The following TRIP4 variants were observed in gnomAD, a reference collection of about 807,000 sequenced individuals.
TRIP4 encodes thyroid hormone receptor interactor 4.
A neutral mutation model predicts 81.8 loss-of-function variants in TRIP4; 54 were observed. That is an observed-to-expected ratio of 0.66 (90% CI 0.53 to 0.83). The LOEUF is 0.83. Ranked by LOEUF, TRIP4 falls within the 40% of genes least tolerant of loss-of-function variation. The probability of loss-of-function intolerance (pLI) is 0.00; values close to 1 mark genes in which losing one functional copy is unlikely to be tolerated. For synonymous variants in TRIP4, 270 were observed against 242.8 expected (o/e 1.11, Z -1.04); for missense variants, 662 against 683.6 (o/e 0.97, Z 0.35).
rs764008426 is a variant in TRIP4, at chr15:64,430,147, G to C, written c.1575+4516G>C. ...GCTTTAAAAATATGTGCTTTCTCCT[G>C]AGCCATGAACTAGTCTTCCTTTTTA... is the stretch of plus-strand genomic sequence containing the variant. On this transcript the variant is annotated intron_variant, in intron 11 of 12. Coordinates refer to ENST00000261884, the MANE Select transcript of TRIP4 (RefSeq NM_016213.5). 2.6e-5 allele frequency among the ~76,000 whole-genome samples: 4 copies of C among 152,318 alleles called. No homozygotes were observed. In the East Asian group the frequency reaches 7.7e-4, roughly 29 times the overall value.
At chr15:64,409,272 G>T (rs1267915748) in intron 6 of TRIP4, among the ~76,000 whole-genome samples, 1 of 152,052 alleles carries the variant, frequency 6.6e-6, no homozygotes, top group Non-Finnish European at 1.5e-5. Context: ...AGCCTAGCAA[G>T]AATAGGCTGG....
intron 12 of TRIP4, among the ~76,000 whole-genome samples, chr15:64,446,333 C>T (rs1008616783): frequency 1.3e-5 from 2 of 151,978 alleles, no homozygotes; most frequent in Non-Finnish European, 1.5e-5. Context: ...AGAGACACCA[C>T]TTCCCACATT....
chr15:64,394,317 A>G (rs958843497), intron 2 of TRIP4, among the ~76,000 whole-genome samples: 1 of 152,148 alleles, frequency 6.6e-6, no homozygotes, highest in Non-Finnish European at 1.5e-5. Context: ...AGAAAATATC[A>G]CAAAAAGGCC....
chr15:64,455,167 G>A lies in TRIP4; in HGVS notation c.*103G>A, dbSNP rs138527083. The A allele has an allele frequency of 6.7e-5, 68 of 1,014,174 alleles. No homozygotes were observed. Among genetic ancestry groups the A allele is most frequent in the Admixed American group, 2.8e-4 (11 of 39,412 alleles). 62.8% of individuals were successfully genotyped at this position (1,014,174 alleles called of 1,614,324 possible). ...AGTAGTAGAAACCTAAAGGCTTGGC[G>A]TCAGGCTTGAATATCTCAGAACTTA... On this transcript the variant is annotated 3_prime_UTR_variant, in exon 13 of 13. Transcript: ENST00000261884.
intron 1 of TRIP4, 51 bp from the exon 2 acceptor site, chr15:64,393,895 A>T: frequency 6.7e-7 from 1 of 1,491,370 alleles, no homozygotes; most frequent in Non-Finnish European, 9.0e-7. Context: ...GATTACTGAG[A>T]AACAGTGTAA....
At chr15:64,424,951 AT>A (rs1383791466) in intron 10 of TRIP4, among the ~76,000 whole-genome samples, 1 of 151,932 alleles carries the variant, frequency 6.6e-6, no homozygotes, top group Admixed American at 6.6e-5. Flanking sequence ...AATTTTTTGT[AT>A]TTTTAGTAGA....
rs1238808872 is a variant in TRIP4, at chr15:64,409,697, A to G, written c.912A>G (p.Glu304=). ...AATGGTTGTCCAAACTTGAGCGGGA[A>G]ACCTTGCAGAAGCGAGAGGAGGAGC... ...SNQWLSKLER[E]TLQKREEELR... Residue 304 remains glutamate (E), a synonymous_variant, in exon 7 of 13, where the codon GAA becomes GAG. Transcript: ENST00000261884. The G allele has an allele frequency of 6.2e-7, 1 of 1,614,170 alleles. No homozygotes were observed. The highest frequency in any genetic ancestry group is 8.5e-7 in the Non-Finnish European group (1 of 1,180,030).
chr15:64,445,160 TG>T (rs1464816257), intron 12 of TRIP4, 52 bp downstream of exon 12: 1 of 997,814 alleles, frequency 1.0e-6, no homozygotes, highest in East Asian at 2.4e-5. Flanking sequence ...TAGTAAGGAA[TG>T]GGGAAAAAAG....
intron 10 of TRIP4, among the ~76,000 whole-genome samples, chr15:64,424,695 C>A (rs1305800587): frequency 1.3e-5 from 2 of 152,226 alleles, no homozygotes; most frequent in Admixed American, 1.3e-4. Context: ...GACAACTACA[C>A]AACCATCTTT....
intron 11 of TRIP4, among the ~76,000 whole-genome samples, chr15:64,431,975 C>T (rs1292287812): frequency 7.0e-6 from 1 of 143,032 alleles, no homozygotes; most frequent in African/African-American, 2.6e-5. Context: ...CAACCTCTGC[C>T]TCCTAGGTTC....
intron 12 of TRIP4, among the ~76,000 whole-genome samples, chr15:64,447,086 A>C (rs776478461): frequency 8.5e-5 from 13 of 152,194 alleles, no homozygotes; most frequent in Non-Finnish European, 1.8e-4. Flanking sequence ...CCTGGGCAAC[A>C]GAGCGAGACT....
intron 12 of TRIP4, among the ~76,000 whole-genome samples, chr15:64,452,591 T>C (rs72741332): frequency 0.048 from 7,357 of 152,326 alleles, 236 homozygotes; most frequent in South Asian, 0.086. Flanking sequence ...TATAATCTTC[T>C]TAATAATTCT....
chr15:64,411,116 A>G (rs959125725), intron 7 of TRIP4, among the ~76,000 whole-genome samples: 1 of 152,192 alleles, frequency 6.6e-6, no homozygotes, highest in Non-Finnish European at 1.5e-5. Flanking sequence ...TACATACTGT[A>G]TGATTTTAAC....
chr15:64,415,276 A>G (rs1891869094), intron 8 of TRIP4, among the ~76,000 whole-genome samples: 1 of 152,174 alleles, frequency 6.6e-6, no homozygotes. Flanking sequence ...TACAACACAT[A>G]CAAAGGCTCA....
At chr15:64,395,278 C>A (rs760568915) in intron 2 of TRIP4, 120 bp from the exon 3 acceptor site, 2 of 785,792 alleles carry the variant, frequency 2.5e-6, no homozygotes, top group Non-Finnish European at 1.8e-6. Flanking sequence ...TAAAAATCTT[C>A]CTGATGATAT....
intron 4 of TRIP4, among the ~76,000 whole-genome samples, chr15:64,398,606 C>G (rs569352788): frequency 6.6e-5 from 10 of 152,054 alleles, no homozygotes; most frequent in African/African-American, 2.4e-4. Flanking sequence ...CAGGTTATAT[C>G]CTAGTACTGA....
At position 64,455,109 on chromosome 15, in the gene TRIP4, T is replaced by A; in HGVS notation, c.*45T>A. 1 of 1,568,516 alleles carries A rather than the reference T, an allele frequency of 6.4e-7. No individual in the cohort carries two copies. The highest frequency in any genetic ancestry group is 8.7e-7 in the Non-Finnish European group (1 of 1,143,126). ...TACAGCATAGTGGAGTTTTGTGTAC[T>A]AAAATTGCTATCTACTGGTCCTTTG... is the stretch of plus-strand genomic sequence containing the variant. On this transcript the variant is annotated 3_prime_UTR_variant, in exon 13 of 13. Transcript: ENST00000261884.
At chr15:64,432,809 G>C (rs191680105) in intron 11 of TRIP4, among the ~76,000 whole-genome samples, 3 of 147,148 alleles carry the variant, frequency 2.0e-5, no homozygotes, top group African/African-American at 7.5e-5. Flanking sequence ...TACTCGGGAG[G>C]CTGAGGCAGG....
intron 11 of TRIP4, among the ~76,000 whole-genome samples, chr15:64,438,064 A>G (rs1892441146): frequency 6.6e-6 from 1 of 152,216 alleles, no homozygotes; most frequent in African/African-American, 2.4e-5. Context: ...TCTAAAAGAT[A>G]TGTTATTTGA....
Sources: allele counts gnomAD v4.1 joint callset (sites outside exome capture counted in the v4.1 genomes callset), GRCh38; gene constraint gnomAD v4.1.1; transcripts MANE v1.5; gene names NCBI Gene and HGNC (gene_info 2026-07-23, HGNC 2026-07-21).